Variants in DCDC1 observed in about 807,000 individuals in gnomAD.
DCDC1 encodes doublecortin domain containing 1.
A neutral mutation model predicts 178.3 loss-of-function variants in DCDC1; 200 were observed. The observed-to-expected ratio is 1.12, with a 90% confidence interval of 1.00 to 1.26. The LOEUF is 1.26. DCDC1 is among the 50% of genes most tolerant of loss of function. The pLI is 0.00. For synonymous variants in DCDC1, 690 were observed against 604.8 expected (o/e 1.14, Z -2.07); for missense variants, 1,983 against 1,749.2 (o/e 1.13, Z -2.38).
intron 20 of DCDC1, among the ~76,000 whole-genome samples, chr11:30,978,277 G>T (rs11031259): frequency 0.47 from 71,850 of 151,966 alleles, 18,376 homozygotes; most frequent in Middle Eastern, 0.59. Flanking sequence ...GTTTTAACTT[G>T]CACCACTTAT....
At chr11:31,057,220 C>CA (rs1955640747) in intron 20 of DCDC1, among the ~76,000 whole-genome samples, 2 of 112,902 alleles carry the variant, frequency 1.8e-5, no homozygotes, top group Non-Finnish European at 3.3e-5. Flanking sequence ...GGCAATACAG[C>CA]AAGATTCTAT....
intron 21 of DCDC1, among the ~76,000 whole-genome samples, chr11:30,941,603 T>G (rs1457278607): frequency 6.6e-6 from 1 of 152,162 alleles, no homozygotes; most frequent in Non-Finnish European, 1.5e-5. Flanking sequence ...CTAGTAATTT[T>G]CTAAATTTTA....
chr11:30,972,431 T>G (rs1199433675), intron 20 of DCDC1, among the ~76,000 whole-genome samples: 3 of 152,060 alleles, frequency 2.0e-5, no homozygotes, highest in South Asian at 2.1e-4. Flanking sequence ...CTGAGAAAAT[T>G]TGTTATCACT....
rs1285179601 is a variant in DCDC1 at position 30,920,765 on chromosome 11, T to C, written c.3293+11A>G. On this transcript the variant is annotated intron_variant, in intron 25 of 38. Coordinates refer to ENST00000684477, the MANE Select transcript of DCDC1 (RefSeq NM_001387274.1). ...AGCCAGGTAGCTTTTCAGGCTACAC[T>C]GATTACTTACAGAATTTCACTGGAA... 4 of 1,612,738 alleles carry C rather than the reference T, an allele frequency of 2.5e-6. No individual in the cohort carries two copies. The African/African-American group carries it at 5.3e-5, about 22-fold the overall frequency.
chr11:31,107,109 A>C (rs1958902030), intron 12 of DCDC1, 149 bp from the exon 13 acceptor site: 1 of 596,678 alleles, frequency 1.7e-6, no homozygotes, highest in Non-Finnish European at 3.0e-6. Context: ...GAAGTGTGAA[A>C]TGACGGCAAT....
intron 9 of DCDC1, among the ~76,000 whole-genome samples, chr11:31,146,944 A>G (rs779459519): frequency 6.6e-6 from 1 of 152,072 alleles, no homozygotes; most frequent in African/African-American, 2.4e-5. Context: ...TTGATATGCC[A>G]TCGTGTCGAG....
chr11:31,334,847 T>C (rs1408033594), intron 2 of DCDC1, among the ~76,000 whole-genome samples: 6 of 152,072 alleles, frequency 3.9e-5, no homozygotes, highest in African/African-American at 1.4e-4. Context: ...CCAGTTAGGG[T>C]ACAAGGGGGT....
At chr11:31,297,449 G>A (rs899069672) in intron 6 of DCDC1, among the ~76,000 whole-genome samples, 21 of 151,818 alleles carry the variant, frequency 1.4e-4, no homozygotes, top group Admixed American at 1.3e-3. Flanking sequence ...AACCTCAAGC[G>A]ATTCTCCTGC....
At chr11:31,333,241 C>G (rs1950095508) in intron 2 of DCDC1, among the ~76,000 whole-genome samples, 1 of 152,096 alleles carries the variant, frequency 6.6e-6, no homozygotes, top group South Asian at 2.1e-4. Context: ...CTTGGTAGAT[C>G]TCCCTTCATC....
At chr11:31,058,197 T>C (rs761896177) in intron 20 of DCDC1, among the ~76,000 whole-genome samples, 1 of 152,172 alleles carries the variant, frequency 6.6e-6, no homozygotes, top group Non-Finnish European at 1.5e-5. Context: ...CATAGGGCTA[T>C]AGTTGGCTGG....
intron 25 of DCDC1, among the ~76,000 whole-genome samples, chr11:30,919,759 T>G (rs1482788378): frequency 6.0e-5 from 9 of 150,474 alleles, no homozygotes; most frequent in Non-Finnish European, 1.0e-4. Context: ...TAGAAACAAT[T>G]AATAACAATG....
intron 9 of DCDC1, among the ~76,000 whole-genome samples, chr11:31,175,448 C>A (rs1277128029): frequency 1.3e-5 from 2 of 152,358 alleles, no homozygotes; most frequent in East Asian, 3.9e-4. Context: ...CTAAAGCTGG[C>A]TGGTTGCCTC....
At chr11:31,229,338 TAAA>T (rs1975452237) in intron 9 of DCDC1, among the ~76,000 whole-genome samples, 1 of 152,028 alleles carries the variant, frequency 6.6e-6, no homozygotes, top group Non-Finnish European at 1.5e-5. Flanking sequence ...ATCAGAGATA[TAAA>T]AATCACTAAT....
intron 8 of DCDC1, among the ~76,000 whole-genome samples, chr11:31,256,664 T>C (rs1223172106): frequency 6.6e-6 from 1 of 152,190 alleles, no homozygotes; most frequent in Non-Finnish European, 1.5e-5. Flanking sequence ...GCTGCCTATA[T>C]TGGGTCATGT....
intron 9 of DCDC1, among the ~76,000 whole-genome samples, chr11:31,221,029 A>G (rs1390028655): frequency 6.6e-6 from 1 of 152,186 alleles, no homozygotes; most frequent in Admixed American, 6.6e-5. Flanking sequence ...CCTACTTCCA[A>G]ATATAGTGGC....
intron 20 of DCDC1, among the ~76,000 whole-genome samples, chr11:31,062,809 A>G (rs1215821434): frequency 6.6e-6 from 1 of 150,808 alleles, no homozygotes; most frequent in African/African-American, 2.4e-5. Flanking sequence ...TTTTATTATT[A>G]TTATACTTTA....
chr11:31,133,328 T>C (rs1475164346), intron 10 of DCDC1, among the ~76,000 whole-genome samples: 1 of 152,162 alleles, frequency 6.6e-6, no homozygotes, highest in African/African-American at 2.4e-5. Context: ...ACTAGGAACG[T>C]CATCTAGGCA....
chr11:31,300,564 A>AAG, intron 6 of DCDC1, among the ~76,000 whole-genome samples: 1 of 152,142 alleles, frequency 6.6e-6, no homozygotes, highest in Non-Finnish European at 1.5e-5. Context: ...ATCTTGCAAC[A>AAG]TCAGCTGACT....
intron 9 of DCDC1, among the ~76,000 whole-genome samples, chr11:31,148,686 G>C (rs1416967030): frequency 1.4e-5 from 2 of 147,544 alleles, no homozygotes; most frequent in African/African-American, 5.1e-5. Flanking sequence ...CTTTTATACA[G>C]AGCAAGACTC....
Sources: gnomAD v4.1 joint callset for allele counts (sites outside exome capture counted in the v4.1 genomes callset) on GRCh38, gnomAD v4.1.1 for gene constraint, MANE v1.5 for transcripts, NCBI Gene and HGNC (gene_info 2026-07-23, HGNC 2026-07-21) for gene names.